The following UPP2 variants were observed in gnomAD, a reference collection of about 807,000 sequenced individuals.
UPP2 encodes the protein UPase 2.
UPP2 carries 23 observed loss-of-function variants against 26.7 expected under a neutral mutation model. That is an observed-to-expected ratio of 0.86 (90% CI 0.62 to 1.22). The LOEUF is 1.22. Ranked by LOEUF, UPP2 falls within the 50% of genes most tolerant of loss-of-function variation. The pLI is 0.00. For missense variants in UPP2, 387 were observed against 396.7 expected (o/e 0.98, Z 0.21); for synonymous variants, 127 against 141.3 (o/e 0.90, Z 0.72).
At chr2:158,121,900 T>A (rs1683576557) in intron 5 of UPP2, among the ~76,000 whole-genome samples, 1 of 151,994 alleles carries the variant, frequency 6.6e-6, no homozygotes, top group South Asian at 2.1e-4. Flanking sequence ...GTTTATGCCT[T>A]TAACTTAAAT....
intron 3 of UPP2, among the ~76,000 whole-genome samples, chr2:158,059,397 G>A (rs1014767968): frequency 3.3e-5 from 5 of 152,196 alleles, no homozygotes; most frequent in African/African-American, 1.2e-4. Context: ...AGGATGACTG[G>A]TTGCACATCC....
intron 2 of UPP2, among the ~76,000 whole-genome samples, chr2:158,000,383 A>C (rs1683386956): frequency 2.0e-5 from 3 of 152,244 alleles, no homozygotes; most frequent in Admixed American, 2.0e-4. Context: ...ACTTATATTA[A>C]GTAAAAATAA....
chr2:157,996,271 G>A (rs1450187855), intron 2 of UPP2, among the ~76,000 whole-genome samples: 1 of 152,124 alleles, frequency 6.6e-6, no homozygotes, highest in African/African-American at 2.4e-5. Context: ...CATACCTTTA[G>A]TGAGGAGATA....
At chr2:158,106,354 A>G in intron 2 of UPP2, 138 bp downstream of exon 2, 2 of 681,630 alleles carry the variant, frequency 2.9e-6, no homozygotes, top group Non-Finnish European at 4.9e-6. Context: ...TCTCTGAAAC[A>G]ATTTGGAATG....
chr2:158,064,523 C>CT (rs963937733), intron 3 of UPP2, among the ~76,000 whole-genome samples: 11 of 11,290 alleles, frequency 9.7e-4, no homozygotes, highest in African/African-American at 2.2e-3. Context: ...AAAATTTTCT[C>CT]CCATTCTGTG....
chr2:158,124,549 A>G (rs1390887711), intron 6 of UPP2, among the ~76,000 whole-genome samples: 1 of 152,220 alleles, frequency 6.6e-6, no homozygotes, highest in Non-Finnish European at 1.5e-5. Flanking sequence ...TGTTAACAGA[A>G]TCACAGTGGC....
chr2:158,124,037 C>A, intron 6 of UPP2, 142 bp downstream of exon 6: 1 of 861,576 alleles, frequency 1.2e-6, no homozygotes, highest in Non-Finnish European at 1.7e-6. Context: ...TATACATTAT[C>A]TCATAATATC....
At chr2:158,117,039 C>T (rs932360994) in intron 3 of UPP2, among the ~76,000 whole-genome samples, 3 of 152,018 alleles carry the variant, frequency 2.0e-5, no homozygotes, top group Non-Finnish European at 2.9e-5. Flanking sequence ...TTGAAGAGCA[C>T]ATTTGACTCT....
At chr2:158,054,684 G>A (rs779715942) in intron 3 of UPP2, among the ~76,000 whole-genome samples, 1 of 152,108 alleles carries the variant, frequency 6.6e-6, no homozygotes, top group East Asian at 1.9e-4. Context: ...AGAAACATCT[G>A]CTGCTAGTAT....
At position 158,067,615 on chromosome 2, in the gene UPP2, C is replaced by T. The variant is rs537999175; in HGVS notation, c.148-34425C>T. Reference sequence around the variant, plus strand: ...TTATGGGCAGAGAAGATTTACAAATCGATGTGTTCAGATTGCCAGATTCCA... The same window carrying T: ...TTATGGGCAGAGAAGATTTACAAATTGATGTGTTCAGATTGCCAGATTCCA... On this transcript the variant is annotated intron_variant, in intron 3 of 9. Transcript: ENST00000605860. Among the ~76,000 whole-genome samples, 141 of 151,350 alleles carry T rather than the reference C, an allele frequency of 9.3e-4. 1 individual carries two copies. The highest frequency in any genetic ancestry group is 3.3e-3 in the African/African-American group (136 of 41,106).
chr2:158,032,267 C>T (rs1374295267), intron 3 of UPP2, among the ~76,000 whole-genome samples: 1 of 152,110 alleles, frequency 6.6e-6, no homozygotes, highest in African/African-American at 2.4e-5. Context: ...AGGATGAAGT[C>T]ATGCACATCC....
chr2:158,098,610 C>T (rs1490001807), upstream of UPP2, among the ~76,000 whole-genome samples: 11 of 152,214 alleles, frequency 7.2e-5, no homozygotes, highest in Admixed American at 7.2e-4. Flanking sequence ...CACATGGATC[C>T]AGGAGCCCTT....
At chr2:158,128,095 T>A in intron 6 of UPP2, 1 of 837,012 alleles carries the variant, frequency 1.2e-6, no homozygotes. Context: ...GACACAGGCT[T>A]GCCTGACAAT....
intron 3 of UPP2, among the ~76,000 whole-genome samples, chr2:158,078,714 T>C (rs560781120): frequency 6.6e-6 from 1 of 152,244 alleles, no homozygotes; most frequent in Non-Finnish European, 1.5e-5. Flanking sequence ...GAAGACCTAG[T>C]ATTTGACAGC....
intron 3 of UPP2, among the ~76,000 whole-genome samples, chr2:158,041,574 CTT>C (rs1317494307): frequency 6.6e-6 from 1 of 152,186 alleles, no homozygotes; most frequent in Non-Finnish European, 1.5e-5. Context: ...TGCAATTTCA[CTT>C]TGTTGCAATC....
chr2:158,031,695 T>C (rs1265459772), intron 3 of UPP2, among the ~76,000 whole-genome samples: 5 of 152,240 alleles, frequency 3.3e-5, no homozygotes, highest in African/African-American at 1.2e-4. Context: ...CTTCTTTGTA[T>C]AACTCACTCA....
chr2:158,077,300 C>T (rs1296620613), intron 3 of UPP2, among the ~76,000 whole-genome samples: 1 of 151,796 alleles, frequency 6.6e-6, no homozygotes, highest in African/African-American at 2.4e-5. Flanking sequence ...AATCCTAGAA[C>T]TTATATGAAA....
intron 3 of UPP2, among the ~76,000 whole-genome samples, chr2:158,080,928 G>A (rs1054032790): frequency 3.9e-5 from 6 of 152,078 alleles, no homozygotes; most frequent in African/African-American, 1.2e-4. Flanking sequence ...AGAAAACCAC[G>A]TTGCAGTATT....
intron 3 of UPP2, among the ~76,000 whole-genome samples, chr2:158,031,387 G>A (rs1001420081): frequency 9.2e-5 from 14 of 152,292 alleles, no homozygotes; most frequent in African/African-American, 2.4e-4. Context: ...TGAGGGACTT[G>A]GAGAAAAGGA....
Sources: allele counts gnomAD v4.1 joint callset (sites outside exome capture counted in the v4.1 genomes callset), GRCh38; gene constraint gnomAD v4.1.1; transcripts MANE v1.5; gene names NCBI Gene and HGNC (gene_info 2026-07-23, HGNC 2026-07-21).